HTR4: variants seen among roughly 807,000 people sequenced by gnomAD.
HTR4 encodes 5-hydroxytryptamine receptor 4, also known as 5-hydroxytryptamine (serotonin) receptor 4, G protein-coupled.
HTR4 carries 16 observed loss-of-function variants against 36.8 expected under a neutral mutation model. The ratio of observed to expected loss-of-function variants is 0.43; its 90% CI spans 0.29 to 0.66. The LOEUF (loss-of-function observed/expected upper bound fraction) is 0.66, where lower values mean the gene tolerates loss of function less well. HTR4 is among the 30% of genes least tolerant of loss of function. The pLI, the probability that HTR4 is intolerant of heterozygous loss-of-function variation, is 0.13. For synonymous variants in HTR4, 189 were observed against 185.1 expected (o/e 1.02, Z -0.17); for missense variants, 438 against 490.9 (o/e 0.89, Z 1.02).
rs200467924 is a variant in HTR4 at position 148,482,244 on chromosome 5, T to C, written c.*959A>G. Reference sequence around the variant, plus strand: ...CCCCAGTGTGAACTTCCAACAGTTATCTCCTTTGGCAGCAACAAAGCCAGA... The same window carrying C: ...CCCCAGTGTGAACTTCCAACAGTTACCTCCTTTGGCAGCAACAAAGCCAGA... On this transcript the variant is annotated 3_prime_UTR_variant, in exon 7 of 7. Coordinates refer to ENST00000377888, the MANE Select transcript of HTR4 (RefSeq NM_000870.7). 4 of 985,352 alleles carry C rather than the reference T, an allele frequency of 4.1e-6. No homozygotes were observed. Among genetic ancestry groups the C allele is most frequent in the Middle Eastern group, 5.2e-4 (1 of 1,938 alleles). 61.0% of individuals were successfully genotyped at this position (985,352 alleles called of 1,614,324 possible).
chr5:148,630,713 A>G (rs1028334498), intron 2 of HTR4, among the ~76,000 whole-genome samples: 5 of 152,124 alleles, frequency 3.3e-5, no homozygotes, highest in Non-Finnish European at 7.4e-5. Flanking sequence ...GTGATGACTA[A>G]AGACACATTT....
At chr5:148,649,319 T>C (rs1279619891) in intron 1 of HTR4, among the ~76,000 whole-genome samples, 1 of 151,998 alleles carries the variant, frequency 6.6e-6, no homozygotes, top group Non-Finnish European at 1.5e-5. Flanking sequence ...AAGGAGTTCA[T>C]TGAATTTGAA....
chr5:148,454,855 T>C (rs1480628074), intron 5 of HTR4, among the ~76,000 whole-genome samples: 1 of 152,224 alleles, frequency 6.6e-6, no homozygotes, highest in East Asian at 1.9e-4. Context: ...CAGGAACCCC[T>C]TCCCCATTGC....
At chr5:148,592,997 C>A (rs940195132) in intron 2 of HTR4, among the ~76,000 whole-genome samples, 12 of 152,140 alleles carry the variant, frequency 7.9e-5, no homozygotes. Context: ...CATAATGTCT[C>A]ATGGCTGTCT....
downstream of HTR4, among the ~76,000 whole-genome samples, chr5:148,475,191 C>T (rs968778721): frequency 6.6e-6 from 1 of 152,130 alleles, no homozygotes; most frequent in African/African-American, 2.4e-5. Flanking sequence ...TTAAATTATA[C>T]AACCTCATGA....
chr5:148,484,161 T>C (rs1055791124), intron 6 of HTR4: 37 of 1,298,300 alleles, frequency 2.8e-5, no homozygotes, highest in Non-Finnish European at 7.4e-6. Context: ...GATCAAATAA[T>C]CTACAATGGT....
intron 2 of HTR4, among the ~76,000 whole-genome samples, chr5:148,620,807 T>A (rs967356243): frequency 1.3e-5 from 2 of 152,202 alleles, no homozygotes; most frequent in African/African-American, 4.8e-5. Flanking sequence ...GATATGATGA[T>A]ATTCAGGAAG....
chr5:148,559,837 C>T (rs563560299), intron 2 of HTR4, among the ~76,000 whole-genome samples: 1 of 152,132 alleles, frequency 6.6e-6, no homozygotes, highest in South Asian at 2.1e-4. Context: ...GTGCCAACAA[C>T]CTCCAATCAG....
At chr5:148,615,332 A>G (rs1344355362) in intron 2 of HTR4, among the ~76,000 whole-genome samples, 1 of 151,866 alleles carries the variant, frequency 6.6e-6, no homozygotes, top group African/African-American at 2.4e-5. Flanking sequence ...CATATACACC[A>G]TGGAATACTA....
chr5:148,487,140 G>A (rs1439508822), intron 6 of HTR4, among the ~76,000 whole-genome samples: 2 of 152,096 alleles, frequency 1.3e-5, no homozygotes, highest in East Asian at 3.8e-4. Flanking sequence ...AATCTGTAAG[G>A]CAAGAAGGTA....
intron 2 of HTR4, among the ~76,000 whole-genome samples, chr5:148,634,555 C>G (rs1486811638): frequency 2.0e-5 from 3 of 152,180 alleles, no homozygotes; most frequent in Non-Finnish European, 2.9e-5. Context: ...ATAGCCCATG[C>G]TGAGCTCACA....
At chr5:148,459,434 C>T (rs1005690991) in intron 5 of HTR4, among the ~76,000 whole-genome samples, 1 of 152,034 alleles carries the variant, frequency 6.6e-6, no homozygotes, top group Non-Finnish European at 1.5e-5. Context: ...GCAAGCCTAA[C>T]CTATGAGAAT....
chr5:148,545,493 A>G (rs192576022), intron 4 of HTR4, among the ~76,000 whole-genome samples: 98 of 152,390 alleles, frequency 6.4e-4, no homozygotes, highest in African/African-American at 2.3e-3. Context: ...ACATTTAAGA[A>G]GAAAGTATAG....
At chr5:148,620,123 G>C (rs1752860619) in intron 2 of HTR4, among the ~76,000 whole-genome samples, 1 of 152,132 alleles carries the variant, frequency 6.6e-6, no homozygotes, top group African/African-American at 2.4e-5. Flanking sequence ...GTCAGACAAG[G>C]GCAGAGCACC....
intron 5 of HTR4, among the ~76,000 whole-genome samples, chr5:148,453,745 C>T (rs964125674): frequency 1.1e-4 from 16 of 152,286 alleles, no homozygotes; most frequent in African/African-American, 3.9e-4. Context: ...TGTGAGGGGT[C>T]TGAGCAGAGC....
intron 2 of HTR4, among the ~76,000 whole-genome samples, chr5:148,619,913 A>G (rs781260345): frequency 7.9e-5 from 12 of 152,246 alleles, no homozygotes; most frequent in Non-Finnish European, 1.6e-4. Flanking sequence ...TTGATAATAT[A>G]AAAAAGGATA....
chr5:148,586,583 C>A (rs895972543), intron 2 of HTR4, among the ~76,000 whole-genome samples: 1 of 152,086 alleles, frequency 6.6e-6, no homozygotes, highest in African/African-American at 2.4e-5. Context: ...ATAGGGGAAA[C>A]CACTTCCAGG....
intron 5 of HTR4, among the ~76,000 whole-genome samples, chr5:148,461,485 A>G (rs1186606044): frequency 6.6e-6 from 1 of 151,970 alleles, no homozygotes; most frequent in African/African-American, 2.4e-5. Flanking sequence ...TTTAAACAGA[A>G]CACACTTCAG....
At chr5:148,452,749 T>C (rs1265419200) in intron 5 of HTR4, among the ~76,000 whole-genome samples, 1 of 152,102 alleles carries the variant, frequency 6.6e-6, no homozygotes, top group Non-Finnish European at 1.5e-5. Flanking sequence ...GGATGTGACA[T>C]ACAGAACCAA....
Sources: gnomAD v4.1 joint callset for allele counts (sites outside exome capture counted in the v4.1 genomes callset) on GRCh38, gnomAD v4.1.1 for gene constraint, MANE v1.5 for transcripts, NCBI Gene and HGNC (gene_info 2026-07-23, HGNC 2026-07-21) for gene names.